Variants in ZNF532 observed in about 807,000 individuals in gnomAD.
The protein encoded by ZNF532 is zinc finger protein 532.
ZNF532 carries 22 observed loss-of-function variants against 89.3 expected under a neutral mutation model. The observed-to-expected ratio is 0.25, with a 90% CI of 0.18 to 0.35. ZNF532 has a LOEUF of 0.35. ZNF532 is among the 10% of genes least tolerant of loss of function. The pLI, the probability that ZNF532 is intolerant of heterozygous loss-of-function variation, is 1.00. For missense variants in ZNF532, 1,132 were observed against 1,643.4 expected, an observed-to-expected ratio of 0.69 and a Z score of 5.38; for synonymous variants, 606 against 649.6, an observed-to-expected ratio of 0.93 and a Z score of 1.02.
chr18:58,946,933 C>T (rs1334948235), intron 5 of ZNF532, among the ~76,000 whole-genome samples: 1 of 152,098 alleles, frequency 6.6e-6, no homozygotes, highest in Non-Finnish European at 1.5e-5. Context: ...ATGGGAAGTC[C>T]TCTCTCAGGG....
intron 7 of ZNF532, among the ~76,000 whole-genome samples, chr18:58,960,299 C>T (rs1362617136): frequency 3.9e-5 from 6 of 152,222 alleles, no homozygotes; most frequent in African/African-American, 1.4e-4. Context: ...ATCGTCTCAT[C>T]TTGGCCTTCC....
chr18:58,916,727 GTGAGTTAATATA>G (rs2060627666), intron 2 of ZNF532: 1 of 985,320 alleles, frequency 1.0e-6, no homozygotes, highest in Non-Finnish European at 1.2e-6. Context: ...TGTCCCCAGA[GTGAGTTAATATA>G]CTGAGGGTCT....
chr18:58,984,609 C>T lies in ZNF532; in HGVS notation c.*143C>T, dbSNP rs1046079681. The T allele has an allele frequency of 1.0e-5, 10 of 952,444 alleles. No homozygotes were observed. The highest frequency in any genetic ancestry group is 6.7e-5 in the African/African-American group (4 of 60,148). 59.0% of individuals were successfully genotyped at this position (952,444 alleles called of 1,614,324 possible). ...TCTTTCAATGTACCTTCCTTCACCTCGTCGTATATATCCTCGATAAGTATT... is the reference window on the plus strand; with the variant it reads ...TCTTTCAATGTACCTTCCTTCACCTTGTCGTATATATCCTCGATAAGTATT... On this transcript the variant is annotated 3_prime_UTR_variant, in exon 10 of 10. Transcript: ENST00000591808.
intron 2 of ZNF532, among the ~76,000 whole-genome samples, chr18:58,914,363 A>G (rs146115988): frequency 1.2e-3 from 185 of 152,384 alleles, no homozygotes; most frequent in African/African-American, 4.1e-3. Flanking sequence ...ATTATAGGTC[A>G]TTTATATAGG....
At chr18:58,954,710 AC>A (rs2064576385) in intron 7 of ZNF532, among the ~76,000 whole-genome samples, 1 of 111,582 alleles carries the variant, frequency 9.0e-6, no homozygotes, top group Non-Finnish European at 1.8e-5. Context: ...GGAATTTGCT[AC>A]TTTTTTTTTT....
intron 5 of ZNF532, chr18:58,939,997 G>A (rs768003272): frequency 1.1e-4 from 17 of 158,414 alleles, no homozygotes; most frequent in Non-Finnish European, 2.2e-4. Context: ...GGGTTCAAGC[G>A]ATTCTCCTGC....
At chr18:58,958,531 A>G (rs1300744435) in intron 7 of ZNF532, among the ~76,000 whole-genome samples, 2 of 152,190 alleles carry the variant, frequency 1.3e-5, no homozygotes, top group African/African-American at 4.8e-5. Context: ...TGTAAATGGT[A>G]AAGTCTTTGA....
intron 7 of ZNF532, among the ~76,000 whole-genome samples, chr18:58,971,553 G>C (rs944443297): frequency 6.6e-6 from 1 of 152,198 alleles, no homozygotes; most frequent in African/African-American, 2.4e-5. Context: ...AGTTGCAACA[G>C]AAACCTTATG....
At chr18:58,926,184 T>A (rs1568341789) in intron 3 of ZNF532, 1 of 152,194 alleles carries the variant, frequency 6.6e-6, no homozygotes, top group Non-Finnish European at 1.5e-5. Context: ...AGAATTGACA[T>A]CTTTACTATA....
intron 3 of ZNF532, among the ~76,000 whole-genome samples, chr18:58,923,896 G>A (rs992704089): frequency 1.3e-5 from 2 of 151,740 alleles, no homozygotes; most frequent in East Asian, 3.9e-4. Flanking sequence ...TCACTCTGTC[G>A]CCCAGGCTGG....
In ZNF532 at chr18:58,880,774, C is replaced by CGCGCGCGCGTGTGTGTGTGTGTGTG. The variant is rs1568227863; in HGVS notation, c.-18+15195_-18+15196insGCGCGCGCGTGTGTGTGTGTGTGTG. On this transcript the variant is annotated intron_variant, in intron 2 of 9. Coordinates refer to ENST00000591808, the MANE Select transcript of ZNF532 (RefSeq NM_001375912.1). The stretch of plus-strand genomic sequence containing the variant: ...TAGGCGCGCGCGCACGCGCGCGCGT[C>CGCGCGCGCGTGTGTGTGTGTGTGTG]TGTGTGTGTGTGTGTATGTTTGGGG... Among the ~76,000 whole-genome samples, 5 of 142,336 alleles carry CGCGCGCGCGTGTGTGTGTGTGTGTG rather than the reference C, an allele frequency of 3.5e-5. No homozygotes were observed. The East Asian group carries it at 8.0e-4, about 23-fold the overall frequency. 93.4% of individuals were successfully genotyped at this position (142,336 alleles called of 152,430 possible).
At chr18:58,898,847 T>C (rs2059413498) in intron 2 of ZNF532, among the ~76,000 whole-genome samples, 1 of 152,210 alleles carries the variant, frequency 6.6e-6, no homozygotes, top group Admixed American at 6.5e-5. Flanking sequence ...GACCTGCACA[T>C]ACATGCCCCC....
At chr18:58,966,728 A>AT (rs1326409521) in intron 7 of ZNF532, among the ~76,000 whole-genome samples, 5 of 136,432 alleles carry the variant, frequency 3.7e-5, no homozygotes, top group African/African-American at 8.7e-5. Context: ...CAGAAAAGGC[A>AT]TTTTTTTGTG....
At chr18:58,923,514 C>T (rs545310488) in intron 3 of ZNF532, among the ~76,000 whole-genome samples, 105 of 152,124 alleles carry the variant, frequency 6.9e-4, no homozygotes, top group African/African-American at 2.4e-3. Context: ...GTGGCTGTTG[C>T]CATCCTAGCC....
At chr18:58,940,905 C>T (rs1432586542) in intron 5 of ZNF532, among the ~76,000 whole-genome samples, 13 of 127,724 alleles carry the variant, frequency 1.0e-4, no homozygotes, top group African/African-American at 2.7e-4. Flanking sequence ...GGGGAAGATA[C>T]ACAGCTATGC....
At chr18:58,904,351 C>G (rs79466883) in intron 2 of ZNF532, among the ~76,000 whole-genome samples, 1 of 115,364 alleles carries the variant, frequency 8.7e-6, no homozygotes, top group African/African-American at 3.3e-5. Flanking sequence ...GACCTTGTCT[C>G]AAAAAAAAAA....
intron 2 of ZNF532, among the ~76,000 whole-genome samples, chr18:58,876,287 G>A (rs903970932): frequency 1.3e-5 from 2 of 152,122 alleles, no homozygotes; most frequent in African/African-American, 4.8e-5. Flanking sequence ...GCTGGGATGG[G>A]CCCAAGACTG....
At chr18:58,881,955 G>A in intron 2 of ZNF532, among the ~76,000 whole-genome samples, 1 of 152,066 alleles carries the variant, frequency 6.6e-6, no homozygotes, top group East Asian at 1.9e-4. Flanking sequence ...ATCAAACAAG[G>A]TTTTTTATTT....
chr18:58,956,127 T>A (rs1449438272), intron 7 of ZNF532, among the ~76,000 whole-genome samples: 1 of 152,178 alleles, frequency 6.6e-6, no homozygotes, highest in Admixed American at 6.5e-5. Context: ...GAGGAGATGG[T>A]TTCAAAAAGG....
Sources: allele counts gnomAD v4.1 joint callset (sites outside exome capture counted in the v4.1 genomes callset), GRCh38; gene constraint gnomAD v4.1.1; transcripts MANE v1.5; gene names NCBI Gene and HGNC (gene_info 2026-07-23, HGNC 2026-07-21).